SNX9: variants seen among roughly 807,000 people sequenced by gnomAD.
SNX9 encodes sorting nexin-9.
In SNX9, 44 loss-of-function variants were observed where a neutral mutation model predicts 89.4. The observed-to-expected ratio is 0.49, with a 90% CI of 0.39 to 0.63. The LOEUF is 0.63. SNX9 is among the 30% of genes least tolerant of loss of function. SNX9 has a pLI of 0.00. For synonymous variants in SNX9, 236 were observed against 247.8 expected (o/e 0.95, Z 0.45); for missense variants, 578 against 736.1 (o/e 0.79, Z 2.49).
intron 10 of SNX9, among the ~76,000 whole-genome samples, chr6:157,925,864 T>A (rs2115197605): frequency 6.6e-6 from 1 of 151,412 alleles, no homozygotes; most frequent in East Asian, 1.9e-4. Flanking sequence ...AGAAATTTAT[T>A]TCTCACAGTT....
chr6:157,859,850 AAATACTC>A lies in SNX9; in HGVS notation c.13-7696_13-7690del, dbSNP rs1782083682. ...ATTAACACTTTGTGATATGAATTGA[AAATACTC>A]TTTCCTTTATGACTTCTGCTGTATG... is the stretch of plus-strand genomic sequence containing the variant. On this transcript the variant is annotated intron_variant, in intron 1 of 17. Coordinates refer to ENST00000392185, the MANE Select transcript of SNX9 (RefSeq NM_016224.5). 2.6e-5 allele frequency among the ~76,000 whole-genome samples: 4 copies of A among 152,192 alleles called. No individual in the cohort carries two copies. The South Asian group carries it at 8.3e-4, about 31-fold the overall frequency.
intron 4 of SNX9, among the ~76,000 whole-genome samples, chr6:157,890,828 G>T (rs756285842): frequency 6.6e-6 from 1 of 152,192 alleles, no homozygotes; most frequent in Middle Eastern, 3.4e-3. Flanking sequence ...GCATAGAAGA[G>T]TTAAACGAAT....
intron 1 of SNX9, among the ~76,000 whole-genome samples, chr6:157,848,823 G>A (rs1583198089): frequency 6.6e-6 from 1 of 152,344 alleles, no homozygotes; most frequent in Admixed American, 6.5e-5. Context: ...CCATGGGAGG[G>A]ATAGATACGT....
intron 9 of SNX9, among the ~76,000 whole-genome samples, chr6:157,920,120 A>G (rs1290483112): frequency 6.6e-6 from 1 of 152,210 alleles, no homozygotes; most frequent in Non-Finnish European, 1.5e-5. Context: ...CTGTAACTCG[A>G]TGTAACTCAT....
intron 11 of SNX9, among the ~76,000 whole-genome samples, chr6:157,927,552 A>T (rs1200835262): frequency 6.6e-6 from 1 of 152,142 alleles, no homozygotes. Context: ...CTCTTTGAAC[A>T]TTGCCTTGAG....
intron 5 of SNX9, 108 bp downstream of exon 5, chr6:157,897,106 A>G (rs73026650): frequency 0.056 from 61,793 of 1,110,784 alleles, 1,984 homozygotes; most frequent in East Asian, 0.11. Context: ...AACACAGAAC[A>G]GTTTTGTGAC....
rs774088725 is a variant in SNX9 at position 157,938,695 on chromosome 6, A to G, written c.1596A>G (p.Gln532=). The change falls in exon 16 of 18, where the codon CAA becomes CAG. Residue 532 remains glutamine (Q), a synonymous_variant. Transcript: ENST00000392185. ...KLVATSKITL[Q]DKQNMVKRVS... is the part of the protein sequence containing the mutation. Reference sequence around the variant, plus strand: ...TTGCAACAAGTAAAATCACCCTACAAGACAAACAGAACATGGTGAAGAGAG... The same window carrying G: ...TTGCAACAAGTAAAATCACCCTACAGGACAAACAGAACATGGTGAAGAGAG... 14 of 1,614,198 alleles carry G rather than the reference A, an allele frequency of 8.7e-6. No homozygotes were observed. The South Asian group carries it at 1.5e-4, about 18-fold the overall frequency.
intron 9 of SNX9, among the ~76,000 whole-genome samples, chr6:157,920,735 A>T (rs563655621): frequency 6.6e-6 from 1 of 152,292 alleles, no homozygotes; most frequent in South Asian, 2.1e-4. Context: ...TGGAACTTCT[A>T]CCACTAGAAG....
chr6:157,824,963 G>A (rs1246146260), intron 1 of SNX9, among the ~76,000 whole-genome samples: 1 of 152,158 alleles, frequency 6.6e-6, no homozygotes, highest in African/African-American at 2.4e-5. Flanking sequence ...CGGTTTATAG[G>A]CCGGGCGCGG....
At chr6:157,907,485 C>T (rs1783242103) in intron 7 of SNX9, among the ~76,000 whole-genome samples, 1 of 152,112 alleles carries the variant, frequency 6.6e-6, no homozygotes, top group Non-Finnish European at 1.5e-5. Context: ...GGGGTTTCAC[C>T]ATATTGGCCA....
chr6:157,851,559 C>T (rs1781911824), intron 1 of SNX9, among the ~76,000 whole-genome samples: 1 of 152,094 alleles, frequency 6.6e-6, no homozygotes, highest in Non-Finnish European at 1.5e-5. Flanking sequence ...TTTGCCTATT[C>T]TAGGTATCTC....
intron 1 of SNX9, among the ~76,000 whole-genome samples, chr6:157,854,558 A>G (rs546762216): frequency 1.1e-4 from 17 of 152,342 alleles, no homozygotes; most frequent in Non-Finnish European, 1.6e-4. Flanking sequence ...ACGTATGGCA[A>G]ATTTATAACA....
intron 1 of SNX9, among the ~76,000 whole-genome samples, chr6:157,847,401 C>A (rs1781825529): frequency 6.6e-6 from 1 of 152,094 alleles, no homozygotes; most frequent in African/African-American, 2.4e-5. Flanking sequence ...CTGCGCCCAG[C>A]CTTGTAGTAC....
At chr6:157,911,244 G>A (rs1314044512) in intron 9 of SNX9, among the ~76,000 whole-genome samples, 1 of 152,236 alleles carries the variant, frequency 6.6e-6, no homozygotes, top group Non-Finnish European at 1.5e-5. Context: ...AGTGGATTGT[G>A]AGAGGAGGTC....
At chr6:157,929,882 G>A (rs1783773240) in intron 12 of SNX9, among the ~76,000 whole-genome samples, 1 of 152,184 alleles carries the variant, frequency 6.6e-6, no homozygotes, top group Non-Finnish European at 1.5e-5. Context: ...AAAATCCAAA[G>A]CCTTACATCA....
At chr6:157,826,188 C>T (rs1217351692) in intron 1 of SNX9, among the ~76,000 whole-genome samples, 1 of 152,132 alleles carries the variant, frequency 6.6e-6, no homozygotes, top group Non-Finnish European at 1.5e-5. Flanking sequence ...TTTAGTTTGA[C>T]AGTCCTTCAC....
chr6:157,868,342 T>C (rs1191965414), intron 2 of SNX9, among the ~76,000 whole-genome samples: 1 of 152,238 alleles, frequency 6.6e-6, no homozygotes, highest in East Asian at 1.9e-4. Flanking sequence ...TATGTATACA[T>C]ATGTACACAT....
At chr6:157,867,258 A>G (rs930480444) in intron 1 of SNX9, among the ~76,000 whole-genome samples, 1 of 152,188 alleles carries the variant, frequency 6.6e-6, no homozygotes, top group Non-Finnish European at 1.5e-5. Context: ...CTCAACCAAA[A>G]TAGGTATATT....
intron 2 of SNX9, among the ~76,000 whole-genome samples, chr6:157,871,209 A>G (rs1782403194): frequency 6.6e-6 from 1 of 152,038 alleles, no homozygotes; most frequent in African/African-American, 2.4e-5. Context: ...GCAAAACCTC[A>G]TCTCTACAAA....
Sources: allele counts gnomAD v4.1 joint callset (sites outside exome capture counted in the v4.1 genomes callset), GRCh38; gene constraint gnomAD v4.1.1; transcripts MANE v1.5; gene names NCBI Gene and HGNC (gene_info 2026-07-23, HGNC 2026-07-21).